GCLM: variants seen among roughly 807,000 people sequenced by gnomAD.
GCLM encodes the protein glutamate-cysteine ligase modifier subunit.
GCLM carries 15 observed loss-of-function variants against 36.0 expected under a neutral mutation model. The observed-to-expected ratio is 0.42, with a 90% CI of 0.28 to 0.64. The LOEUF is 0.64. GCLM is among the 30% of genes least tolerant of loss of function. GCLM has a pLI of 0.25. For synonymous variants in GCLM, 129 were observed against 122.8 expected (o/e 1.05, Z -0.34); for missense variants, 242 against 325.5 (o/e 0.74, Z 1.97).
intron 3 of GCLM, among the ~76,000 whole-genome samples, chr1:93,900,043 C>T (rs17886656): frequency 4.0e-4 from 61 of 152,198 alleles, no homozygotes; most frequent in African/African-American, 1.3e-3. Flanking sequence ...TTTTCTTCTA[C>T]GTTTCTTATA....
At position 93,889,157 on chromosome 1, in the gene GCLM, G is replaced by A. The variant is rs376558850; in HGVS notation, c.658C>T (p.Leu220=). 4 of 1,555,316 alleles carry A rather than the reference G, an allele frequency of 2.6e-6. No homozygotes were observed. In the African/African-American group the frequency reaches 5.6e-5, roughly 22 times the overall value. ...QLLTHNDPKE[L]LSEASFQEAL... ...TCTTGGAAACTTGCTTCAGAAAGCA[G>A]TTCTAAAAGAAACAACAACAAACAA... Residue 220 remains leucine (L), a splice_region_variant and synonymous_variant, in exon 7 of 7, where the codon CTG becomes TTG. Transcript: ENST00000370238.
At chr1:93,892,129 C>T (rs943734404) in intron 6 of GCLM, among the ~76,000 whole-genome samples, 1 of 151,618 alleles carries the variant, frequency 6.6e-6, no homozygotes, top group Non-Finnish European at 1.5e-5. Context: ...AAATGGGGGG[C>T]GGGGAACAAA....
chr1:93,903,909 TA>T (rs1057484045), intron 2 of GCLM, among the ~76,000 whole-genome samples: 1 of 151,932 alleles, frequency 6.6e-6, no homozygotes, highest in African/African-American at 2.4e-5. Context: ...GAGATTGATT[TA>T]AAAAAAACCA....
chr1:93,896,027 A>G (rs573287131), intron 5 of GCLM, among the ~76,000 whole-genome samples: 4 of 150,626 alleles, frequency 2.7e-5, no homozygotes, highest in African/African-American at 9.8e-5. Context: ...CAGTGGCGCA[A>G]TCTCAGCTCA....
intron 3 of GCLM, among the ~76,000 whole-genome samples, chr1:93,900,952 T>C: frequency 6.6e-6 from 1 of 152,166 alleles, no homozygotes; most frequent in Non-Finnish European, 1.5e-5. Context: ...GAGGTTAAAG[T>C]CTTTGTTAGC....
At chr1:93,899,859 A>G (rs1001603160) in intron 3 of GCLM, among the ~76,000 whole-genome samples, 1 of 152,170 alleles carries the variant, frequency 6.6e-6, no homozygotes, top group East Asian at 1.9e-4. Flanking sequence ...ATTCAACTTT[A>G]TATGTACATA....
At position 93,888,038 on chromosome 1, in the gene GCLM, T is replaced by A. The variant is rs1483684459; in HGVS notation, c.*952A>T. 6.6e-6 allele frequency: 1 copy of A among 152,216 alleles called. No individual in the cohort carries two copies. The highest frequency in any genetic ancestry group is 1.5e-5 in the Non-Finnish European group (1 of 68,036). The allele number at this position is 152,216 out of a possible 1,614,324, so 9.4% of individuals were successfully genotyped here. On this transcript the variant is annotated 3_prime_UTR_variant, in exon 7 of 7. Coordinates refer to ENST00000370238, the MANE Select transcript of GCLM (RefSeq NM_002061.4). ...ATGTCGGCCCTGAATTAAGGATTTT[T>A]TTTTCATCCCCTTTCTGGCTTTTAG...
At chr1:93,908,305 G>A (rs893898727) in intron 1 of GCLM, among the ~76,000 whole-genome samples, 1 of 152,118 alleles carries the variant, frequency 6.6e-6, no homozygotes, top group Non-Finnish European at 1.5e-5. Flanking sequence ...CCTCCAACTA[G>A]TGACTAGTCT....
chr1:93,896,121 C>A (rs1434029012), intron 5 of GCLM, among the ~76,000 whole-genome samples: 1 of 141,318 alleles, frequency 7.1e-6, no homozygotes, highest in Non-Finnish European at 1.6e-5. Context: ...CGCCACCATG[C>A]CTGGCTAATT....
intron 2 of GCLM, 88 bp from the exon 3 acceptor site, chr1:93,901,757 G>C (rs1334082746): frequency 1.4e-6 from 1 of 727,190 alleles, no homozygotes; most frequent in East Asian, 2.8e-5. Flanking sequence ...ATGCCTTTTA[G>C]AATCAGAGAA....
In GCLM at chr1:93,909,206, C is replaced by T. The variant is rs1657270379; in HGVS notation, c.-43G>A. The T allele has an allele frequency of 1.0e-5, 12 of 1,163,790 alleles. No homozygotes were observed. In the South Asian group the frequency reaches 4.6e-4, roughly 45 times the overall value. The allele number at this position is 1,163,790 out of a possible 1,614,324, so 72.1% of individuals were successfully genotyped here. A position where few individuals can be genotyped will look rare whatever the true frequency, so the allele number is the denominator to read the frequency against. ...GGCCGCGCAGCGAAGGGGCTGCGGGCGGGCGGGCAGGCAGGCGGCCGCCCC... is the reference window on the plus strand; with the variant it reads ...GGCCGCGCAGCGAAGGGGCTGCGGGTGGGCGGGCAGGCAGGCGGCCGCCCC... On this transcript the variant is annotated 5_prime_UTR_variant, in exon 1 of 7. Transcript: ENST00000370238.
chr1:93,899,749 GCAT>G (rs1236058436), intron 3 of GCLM, among the ~76,000 whole-genome samples: 1 of 152,018 alleles, frequency 6.6e-6, no homozygotes, highest in Non-Finnish European at 1.5e-5. Context: ...TAGGTACAAT[GCAT>G]ACCTACCCAA....
chr1:93,904,323 G>C, intron 2 of GCLM, 200 bp downstream of exon 2: 2 of 556,070 alleles, frequency 3.6e-6, no homozygotes, highest in Non-Finnish European at 6.4e-6. Context: ...ATCTTGTCTG[G>C]TTAAAGAGTT....
At position 93,896,733 on chromosome 1, in the gene GCLM, T is replaced by A; in HGVS notation, c.425A>T (p.His142Leu). The A allele has an allele frequency of 6.2e-7, 1 of 1,611,328 alleles. No individual in the cohort carries two copies. The highest frequency in any genetic ancestry group is 8.5e-7 in the Non-Finnish European group (1 of 1,177,430). Residue 142 changes from histidine to leucine, a missense_variant, in exon 5 of 7, where the codon CAT becomes CTT. By Grantham distance (99) the His-to-Leu change is moderately conservative. Transcript: ENST00000370238. ...TAATTCCTCCCAGTAAGGCTGTAAA[T>A]GCTCCAAGGAAAGATTAACTCCATC... ...IEDGVNLSLE[H>L]LQPYWEELEN...
Position 93,888,799 on chromosome 1 carries a change from A to G in GCLM, c.*191T>C, listed in dbSNP as rs898924159. The G allele has an allele frequency of 5.0e-6, 2 of 400,976 alleles. No individual in the cohort carries two copies. The highest frequency in any genetic ancestry group is 4.4e-5 in the Admixed American group (1 of 22,672). The allele number at this position is 400,976 out of a possible 1,614,324, so 24.8% of individuals were successfully genotyped here. ...AACAATAGTTTAAGGAAAGCAATAC[A>G]GAGGTTCATGAGAATGGATTGATAT... is the stretch of plus-strand genomic sequence containing the variant. On this transcript the variant is annotated 3_prime_UTR_variant, in exon 7 of 7. Coordinates refer to ENST00000370238, the MANE Select transcript of GCLM (RefSeq NM_002061.4).
rs1656311960 is a variant in GCLM at position 93,886,594 on chromosome 1, A to G, written c.*2396T>C. On this transcript the variant is annotated 3_prime_UTR_variant, in exon 7 of 7. Transcript: ENST00000370238. ...ATGATCCCCTTCAGAAAATGAATCT[A>G]TAGTCTTGCTTCTTTGTCAAGAGTT... The G allele has an allele frequency of 6.6e-6, 1 of 152,206 alleles. No homozygotes were observed. Among genetic ancestry groups the G allele is most frequent in the Non-Finnish European group, 1.5e-5 (1 of 68,026 alleles). The allele number at this position is 152,206 out of a possible 1,614,324, so 9.4% of individuals were successfully genotyped here.
At chr1:93,894,498 G>C (rs1197930637) in intron 6 of GCLM, 116 bp downstream of exon 6, 1 of 623,210 alleles carries the variant, frequency 1.6e-6, no homozygotes, top group African/African-American at 1.8e-5. Context: ...ATTAAGAATA[G>C]TTCAGATAAC....
chr1:93,898,221 T>C (rs779355233), intron 3 of GCLM, among the ~76,000 whole-genome samples: 10 of 146,032 alleles, frequency 6.8e-5, no homozygotes, highest in Non-Finnish European at 1.3e-4. Flanking sequence ...GACTTAAACA[T>C]TAATAGAGCA....
At chr1:93,896,586 C>G (rs1191272047) in intron 5 of GCLM, 32 bp downstream of exon 5, 3 of 1,556,140 alleles carry the variant, frequency 1.9e-6, no homozygotes, top group Non-Finnish European at 2.7e-6. Flanking sequence ...GCAAGTTCTT[C>G]CTGGAGTGCT....
Sources: allele counts gnomAD v4.1 joint callset (sites outside exome capture counted in the v4.1 genomes callset), GRCh38; gene constraint gnomAD v4.1.1; transcripts MANE v1.5; gene names NCBI Gene and HGNC (gene_info 2026-07-23, HGNC 2026-07-21).